Variants in TSPAN7 observed in about 807,000 individuals in gnomAD.
The protein encoded by TSPAN7 is tetraspanin 7, also known as tetraspanin-7.
TSPAN7 carries 1 observed loss-of-function variant against 17.6 expected under a neutral mutation model. The ratio of observed to expected loss-of-function variants is 0.06; its 90% CI spans 0.02 to 0.27. The LOEUF (loss-of-function observed/expected upper bound fraction) is 0.27. Ranked by LOEUF, TSPAN7 falls within the 10% of genes least tolerant of loss-of-function variation. The probability of loss-of-function intolerance (pLI) is 1.00; values close to 1 mark genes in which losing one functional copy is unlikely to be tolerated. For missense variants in TSPAN7, 112 were observed against 201.7 expected (o/e 0.56, Z 2.69); for synonymous variants, 78 against 79.0 (o/e 0.99, Z 0.07).
intron 1 of TSPAN7, among the ~76,000 whole-genome samples, chrX:38,580,233 T>C (rs992568224): frequency 8.9e-6 from 1 of 112,312 alleles, no homozygotes; most frequent in Non-Finnish European, 1.9e-5. Context: ...CTAAAATATT[T>C]ACTATCTGGC....
chrX:38,564,415 T>C (rs1218906149), intron 1 of TSPAN7, among the ~76,000 whole-genome samples: 3 of 112,330 alleles, frequency 2.7e-5, no homozygotes, highest in African/African-American at 9.7e-5. Flanking sequence ...GTTGATTGGG[T>C]CATTTAGCTA....
intron 4 of TSPAN7, among the ~76,000 whole-genome samples, chrX:38,674,757 G>A (rs2069842405): frequency 9.0e-6 from 1 of 110,536 alleles, no homozygotes; most frequent in Admixed American, 9.6e-5. Flanking sequence ...AGAAACTGAG[G>A]CTCTGTTAGG....
intron 1 of TSPAN7, chrX:38,562,926 C>T (rs2069121755): frequency 2.2e-6 from 2 of 911,092 alleles, no homozygotes; most frequent in African/African-American, 2.1e-5. Flanking sequence ...CACCCCTCAC[C>T]CCCGCCCCTC....
At chrX:38,606,264 C>T (rs1174350135) in intron 1 of TSPAN7, among the ~76,000 whole-genome samples, 4 of 111,739 alleles carry the variant, frequency 3.6e-5, no homozygotes, top group Non-Finnish European at 7.5e-5. Flanking sequence ...CATGAACAGA[C>T]ACTTCTTAAA....
intron 1 of TSPAN7, chrX:38,646,156 A>C (rs924568132): frequency 1.9e-5 from 14 of 720,314 alleles, no homozygotes; most frequent in Non-Finnish European, 2.6e-5. Flanking sequence ...TAAAAAAAAA[A>C]CCTGTAAATA....
At chrX:38,598,547 T>A (rs2069330423) in intron 1 of TSPAN7, among the ~76,000 whole-genome samples, 1 of 111,055 alleles carries the variant, frequency 9.0e-6, no homozygotes, top group Admixed American at 9.6e-5. Context: ...ATTTCCCCCC[T>A]CCATTAGGCA....
intron 1 of TSPAN7, among the ~76,000 whole-genome samples, chrX:38,619,749 G>T (rs1022120006): frequency 2.7e-5 from 3 of 111,871 alleles, no homozygotes; most frequent in African/African-American, 9.8e-5. Flanking sequence ...ACTTAAGAAT[G>T]AATTTTTATG....
At chrX:38,573,222 T>G (rs1185796517) in intron 1 of TSPAN7, among the ~76,000 whole-genome samples, 1 of 111,931 alleles carries the variant, frequency 8.9e-6, no homozygotes, top group African/African-American at 3.2e-5. Context: ...TGCCCTATCC[T>G]GGAAATTAAG....
chrX:38,567,057 A>T, intron 1 of TSPAN7, among the ~76,000 whole-genome samples: 1 of 110,624 alleles, frequency 9.0e-6, no homozygotes, highest in African/African-American at 3.3e-5. Flanking sequence ...TTTGAGAAAC[A>T]TCACTAATCT....
chrX:38,647,090 A>G (rs928630872), intron 1 of TSPAN7, among the ~76,000 whole-genome samples: 1 of 112,188 alleles, frequency 8.9e-6, no homozygotes, highest in African/African-American at 3.2e-5. Flanking sequence ...TCTTCTAATT[A>G]CATTCACCCA....
At position 38,611,530 on chromosome X, in the gene TSPAN7, A is replaced by C. The variant is rs1287382848; in HGVS notation, c.81+49903A>C. ...AGGGCATTTCTCATGGCTGTATATG[A>C]AAGCTAATTACAGAGGGTCTTGTTT... is the stretch of plus-strand genomic sequence containing the variant. On this transcript the variant is annotated intron_variant, in intron 1 of 7. Transcript: ENST00000378482. 4.5e-5 allele frequency among the ~76,000 whole-genome samples: 5 copies of C among 111,788 alleles called. No individual in the cohort carries two copies. In the East Asian group the frequency reaches 1.4e-3, roughly 32 times the overall value.
chrX:38,572,424 A>G lies in TSPAN7; in HGVS notation c.81+10797A>G, dbSNP rs139215033. Among the ~76,000 whole-genome samples, 5 of 111,900 alleles carry G rather than the reference A, an allele frequency of 4.5e-5. No individual in the cohort carries two copies. The East Asian group carries it at 1.4e-3, about 31-fold the overall frequency. ...ATTAGTCTGAGGTGAATTGCCCTCA[A>G]TCAAACAGGTTTAAAAGTTGGTGCT... On this transcript the variant is annotated intron_variant, in intron 1 of 7. Coordinates refer to ENST00000378482, the MANE Select transcript of TSPAN7 (RefSeq NM_004615.4).
At chrX:38,581,918 A>G (rs1378117109) in intron 1 of TSPAN7, among the ~76,000 whole-genome samples, 2 of 112,686 alleles carry the variant, frequency 1.8e-5, no homozygotes, top group Non-Finnish European at 3.7e-5. Flanking sequence ...AAAGAAACAA[A>G]GCTGAAAGCA....
At position 38,592,294 on chromosome X, in the gene TSPAN7, G is replaced by A. The variant is rs190210129; in HGVS notation, c.81+30667G>A. Among the ~76,000 whole-genome samples the A allele has an allele frequency of 9.9e-4, 111 of 111,659 alleles. 1 individual carries two copies. The East Asian group carries it at 0.027, about 27-fold the overall frequency. ...CTATTTGTACCTTTATATGTAAAGT[G>A]TCTTTCTTGTAGCCAGCATGTAGTT... On this transcript the variant is annotated intron_variant, in intron 1 of 7. Coordinates refer to ENST00000378482, the MANE Select transcript of TSPAN7 (RefSeq NM_004615.4).
At chrX:38,615,338 T>G (rs2069449325) in intron 1 of TSPAN7, among the ~76,000 whole-genome samples, 1 of 111,789 alleles carries the variant, frequency 8.9e-6, no homozygotes, top group African/African-American at 3.3e-5. Context: ...AAATAAGCTT[T>G]TTTTTCCCCC....
intron 1 of TSPAN7, among the ~76,000 whole-genome samples, chrX:38,643,706 G>A (rs1473891864): frequency 1.9e-5 from 2 of 106,150 alleles, no homozygotes; most frequent in Non-Finnish European, 3.9e-5. Flanking sequence ...TTAGCCAGAT[G>A]TGGTGGCGGG....
chrX:38,686,044 C>T (rs1020646237), intron 6 of TSPAN7, among the ~76,000 whole-genome samples: 3 of 112,145 alleles, frequency 2.7e-5, no homozygotes, highest in Non-Finnish European at 5.6e-5. Context: ...GGTTCAAGGT[C>T]GTTACACTCA....
chrX:38,642,096 G>A (rs954928183), intron 1 of TSPAN7, among the ~76,000 whole-genome samples: 6 of 111,898 alleles, frequency 5.4e-5, no homozygotes, highest in Non-Finnish European at 7.5e-5. Flanking sequence ...TGGGGTGTGC[G>A]TTTGTGTTGC....
At chrX:38,580,981 C>A (rs940199370) in intron 1 of TSPAN7, among the ~76,000 whole-genome samples, 1 of 112,224 alleles carries the variant, frequency 8.9e-6, no homozygotes, top group African/African-American at 3.2e-5. Flanking sequence ...GCTTGATGCA[C>A]AAGGGAGAAG....
Sources: gnomAD v4.1 joint callset for allele counts (sites outside exome capture counted in the v4.1 genomes callset) on GRCh38, gnomAD v4.1.1 for gene constraint, MANE v1.5 for transcripts, NCBI Gene and HGNC (gene_info 2026-07-23, HGNC 2026-07-21) for gene names.